SDK1: variants seen among roughly 807,000 people sequenced by gnomAD.
The protein encoded by SDK1 is sidekick cell adhesion molecule 1, also known as protein sidekick-1.
Under a neutral mutation model 245.5 loss-of-function variants are expected in SDK1, and 157 were observed. That is an observed-to-expected ratio of 0.64 (90% CI 0.56 to 0.73). The LOEUF (loss-of-function observed/expected upper bound fraction) is 0.73, where lower values mean the gene tolerates loss of function less well. Ranked by LOEUF, SDK1 falls within the 30% of genes least tolerant of loss-of-function variation. The probability of loss-of-function intolerance (pLI) is 0.00; values close to 1 mark genes in which losing one functional copy is unlikely to be tolerated. For missense variants in SDK1, 3,583 were observed against 3,002.3 expected, an observed-to-expected ratio of 1.19 and a Z score of -4.52; for synonymous variants, 1,647 against 1,278.5, an observed-to-expected ratio of 1.29 and a Z score of -6.15.
intron 2 of SDK1, among the ~76,000 whole-genome samples, chr7:3,619,684 T>TGGCCG (rs1424337559): frequency 6.6e-6 from 1 of 152,196 alleles, no homozygotes; most frequent in Non-Finnish European, 1.5e-5. Flanking sequence ...GAGATAGGGA[T>TGGCCG]GGATGGAATC....
At chr7:4,201,715 A>G (rs938403538) in intron 35 of SDK1, among the ~76,000 whole-genome samples, 1 of 149,962 alleles carries the variant, frequency 6.7e-6, no homozygotes, top group Non-Finnish European at 1.5e-5. Flanking sequence ...GACACCCAGC[A>G]TGGCACAGGG....
chr7:3,735,017 G>A (rs1779280246), intron 4 of SDK1, among the ~76,000 whole-genome samples: 1 of 152,112 alleles, frequency 6.6e-6, no homozygotes, highest in Non-Finnish European at 1.5e-5. Context: ...TAAGACCTCT[G>A]TAATTACAGA....
rs1261948948 is a variant in SDK1 at position 4,267,697 on chromosome 7, T to G, written c.*2313T>G. On this transcript the variant is annotated 3_prime_UTR_variant, in exon 45 of 45. Transcript: ENST00000404826. ...GTTGAGGATGAGCAGATTCGAGATA[T>G]GTTTGTTGCTCTCGGGTTTTCGATA... 2.0e-6 allele frequency: 2 copies of G among 985,362 alleles called. No individual in the cohort carries two copies. The highest frequency in any genetic ancestry group is 2.3e-4 in the East Asian group (2 of 8,816). The allele number at this position is 985,362 out of a possible 1,614,324, so 61.0% of individuals were successfully genotyped here.
intron 15 of SDK1, among the ~76,000 whole-genome samples, chr7:4,011,358 G>C (rs1005282922): frequency 1.3e-5 from 2 of 152,226 alleles, no homozygotes; most frequent in African/African-American, 2.4e-5. Context: ...CGATCTGGCT[G>C]TGCCTACATA....
At chr7:3,912,414 A>C (rs1047332783) in intron 5 of SDK1, among the ~76,000 whole-genome samples, 1 of 152,228 alleles carries the variant, frequency 6.6e-6, no homozygotes, top group Admixed American at 6.5e-5. Context: ...TGCATGACCA[A>C]ATAAGCAAGT....
At chr7:3,891,936 C>T (rs146840838) in intron 5 of SDK1, among the ~76,000 whole-genome samples, 4 of 152,236 alleles carry the variant, frequency 2.6e-5, no homozygotes, top group African/African-American at 4.8e-5. Context: ...CCTTATAGCA[C>T]GGTGTCAAAG....
chr7:3,443,447 C>G (rs1264422486), intron 1 of SDK1, among the ~76,000 whole-genome samples: 2 of 152,142 alleles, frequency 1.3e-5, no homozygotes, highest in African/African-American at 4.8e-5. Context: ...CAGATGTCAG[C>G]CATGCTAATA....
At chr7:3,824,383 G>C (rs1548613) in intron 5 of SDK1, among the ~76,000 whole-genome samples, 27,802 of 152,018 alleles carry the variant, frequency 0.18, 2,849 homozygotes, top group Middle Eastern at 0.31. Context: ...ATACATTTTT[G>C]CTTGCTGTCG....
chr7:3,506,319 A>G (rs1314939867), intron 1 of SDK1, among the ~76,000 whole-genome samples: 4 of 152,086 alleles, frequency 2.6e-5, no homozygotes, highest in Non-Finnish European at 5.9e-5. Flanking sequence ...CTTCTGGCTT[A>G]TATTGTGTCT....
At chr7:3,371,588 A>G (rs114389993) in intron 1 of SDK1, among the ~76,000 whole-genome samples, 3,440 of 152,302 alleles carry the variant, frequency 0.023, 122 homozygotes, top group African/African-American at 0.071. Context: ...CAAAACTGCA[A>G]TGAGACTTAA....
At chr7:4,261,882 G>A (rs1215563020) in intron 44 of SDK1, among the ~76,000 whole-genome samples, 3 of 151,948 alleles carry the variant, frequency 2.0e-5, no homozygotes, top group Non-Finnish European at 4.4e-5. Context: ...CTAGGAGCCT[G>A]GGAAGCTGTT....
At chr7:3,538,247 G>A (rs554267776) in intron 1 of SDK1, among the ~76,000 whole-genome samples, 1 of 152,148 alleles carries the variant, frequency 6.6e-6, no homozygotes, top group Non-Finnish European at 1.5e-5. Context: ...GGGCCTCTTG[G>A]GTCAGCTTTC....
chr7:3,566,771 T>G (rs967359180), intron 1 of SDK1, among the ~76,000 whole-genome samples: 2 of 146,580 alleles, frequency 1.4e-5, no homozygotes, highest in Non-Finnish European at 3.0e-5. Flanking sequence ...ATAAGAGATA[T>G]GACCACACAC....
At chr7:3,509,028 T>C (rs1433733549) in intron 1 of SDK1, among the ~76,000 whole-genome samples, 3 of 152,184 alleles carry the variant, frequency 2.0e-5, no homozygotes, top group East Asian at 3.9e-4. Flanking sequence ...CAGGCAGCAG[T>C]TGTGAACTCA....
chr7:3,634,312 A>G (rs966485353), intron 2 of SDK1, among the ~76,000 whole-genome samples: 2 of 152,202 alleles, frequency 1.3e-5, no homozygotes, highest in South Asian at 4.1e-4. Flanking sequence ...ATGCTGCCTC[A>G]TAAAGAAATT....
intron 1 of SDK1, among the ~76,000 whole-genome samples, chr7:3,575,927 A>G (rs1780272288): frequency 6.6e-6 from 1 of 152,148 alleles, no homozygotes; most frequent in South Asian, 2.1e-4. Flanking sequence ...GAAGCCTTTC[A>G]TCTCTGTTCT....
At chr7:3,684,410 G>A (rs1184143611) in intron 4 of SDK1, among the ~76,000 whole-genome samples, 1 of 152,206 alleles carries the variant, frequency 6.6e-6, no homozygotes, top group African/African-American at 2.4e-5. Flanking sequence ...GCAGCAAGGG[G>A]AGAGGAGTCA....
intron 14 of SDK1, among the ~76,000 whole-genome samples, chr7:4,000,333 GCT>G (rs1490094483): frequency 6.6e-6 from 1 of 152,198 alleles, no homozygotes. Context: ...GCGGCCTGAT[GCT>G]TTTTTGTGCC....
At position 4,241,854 on chromosome 7, in the gene SDK1, G is replaced by C; in HGVS notation, c.6192G>C (p.Leu2064=). The change falls in exon 43 of 45, where the codon CTG becomes CTC. Residue 2064 remains leucine (L), a synonymous_variant. Coordinates refer to ENST00000404826, the MANE Select transcript of SDK1 (RefSeq NM_152744.4). ...VTLDNGGFAA[L]ELSSRHLNVK... is the part of the protein sequence containing the mutation. Reference sequence around the variant, plus strand: ...TGGACAACGGAGGATTTGCTGCCCTGGAGCTCAGCAGCCGCCACCTCAATG... The same window carrying C: ...TGGACAACGGAGGATTTGCTGCCCTCGAGCTCAGCAGCCGCCACCTCAATG... 1 of 1,614,098 alleles carries C rather than the reference G, an allele frequency of 6.2e-7. No individual in the cohort carries two copies. The highest frequency in any genetic ancestry group is 1.3e-5 in the African/African-American group (1 of 75,054).
Sources: gnomAD v4.1 joint callset for allele counts (sites outside exome capture counted in the v4.1 genomes callset) on GRCh38, gnomAD v4.1.1 for gene constraint, MANE v1.5 for transcripts, NCBI Gene and HGNC (gene_info 2026-07-23, HGNC 2026-07-21) for gene names.